ZNF774: variants seen among roughly 807,000 people sequenced by gnomAD.
ZNF774 encodes zinc finger protein 774.
A neutral mutation model predicts 11.1 loss-of-function variants in ZNF774; 14 were observed. That is an observed-to-expected ratio of 1.26 (90% CI 0.83 to 1.97). The LOEUF (loss-of-function observed/expected upper bound fraction) is 1.97. Ranked by LOEUF, ZNF774 falls within the 30% of genes most tolerant of loss-of-function variation. ZNF774 has a pLI of 0.00. For missense variants in ZNF774, 599 were observed against 587.0 expected, an observed-to-expected ratio of 1.02 and a Z score of -0.21; for synonymous variants, 195 against 212.6, an observed-to-expected ratio of 0.92 and a Z score of 0.72.
At position 90,360,318 on chromosome 15, in the gene ZNF774, A is replaced by G. The variant is rs1051252953; in HGVS notation, c.487A>G (p.Ser163Gly). The change falls in exon 4 of 4, where the codon AGT becomes GGT. Residue 163 changes from serine to glycine, a missense_variant. Ser to Gly is a moderately conservative substitution (Grantham distance 56). Transcript: ENST00000354377. ...AGAATGCGGGAAAAGCTTTAACCAG[A>G]GTTCCTATCTCATAAGACACCTAAG... is the stretch of plus-strand genomic sequence containing the variant. ...CAECGKSFNQ[S>G]SYLIRHLRTH... The G allele has an allele frequency of 6.2e-7, 1 of 1,614,208 alleles. No homozygotes were observed. The highest frequency in any genetic ancestry group is 8.5e-7 in the Non-Finnish European group (1 of 1,180,038).
Position 90,355,749 on chromosome 15 carries a change from G to A in ZNF774, c.104+985G>A, listed in dbSNP as rs1462752595. ...AAAAAAAAAAAAAAAAAAAAAACAA[G>A]GCTGGGCGCGGTGGCTCATGCCTGT... On this transcript the variant is annotated intron_variant, in intron 2 of 3. Coordinates refer to ENST00000354377, the MANE Select transcript of ZNF774 (RefSeq NM_001004309.3). Among the ~76,000 whole-genome samples, 915 of 116,770 alleles carry A rather than the reference G, an allele frequency of 7.8e-3. 18 individuals carry two copies. The highest frequency in any genetic ancestry group is 0.012 in the Non-Finnish European group (684 of 58,546). 76.6% of individuals were successfully genotyped at this position (116,770 alleles called of 152,430 possible).
At position 90,354,651 on chromosome 15, in the gene ZNF774, A is replaced by G; in HGVS notation, c.-10A>G. The G allele has an allele frequency of 6.3e-7, 1 of 1,596,826 alleles. No individual in the cohort carries two copies. The highest frequency in any genetic ancestry group is 1.7e-5 in the Admixed American group (1 of 58,418). ...AGGTCTCTTGCTTTAGGAACTGATG[A>G]CGCTTGATAATGTGGCTGGGGACTT... On this transcript the variant is annotated 5_prime_UTR_variant, in exon 2 of 4. Coordinates refer to ENST00000354377, the MANE Select transcript of ZNF774 (RefSeq NM_001004309.3).
chr15:90,360,736 A>C lies in ZNF774; in HGVS notation c.905A>C (p.Gln302Pro), dbSNP rs781104469. ...RCNDCGESFSQSSDLIKHQRT... is the reference protein window; with the variant it reads ...RCNDCGESFSPSSDLIKHQRT... ...AATGACTGTGGGGAGAGTTTTAGCC[A>C]GAGCTCGGATTTGATTAAGCACCAA... Residue 302 changes from glutamine (Q) to proline (P), a missense_variant, in exon 4 of 4, where the codon CAG becomes CCG. Gln to Pro is a moderately conservative substitution (Grantham distance 76). Transcript: ENST00000354377. 2 of 1,614,170 alleles carry C rather than the reference A, an allele frequency of 1.2e-6. No individual in the cohort carries two copies. Among genetic ancestry groups the C allele is most frequent in the East Asian group, 2.2e-5 (1 of 44,882 alleles).
At position 90,361,137 on chromosome 15, in the gene ZNF774, T is replaced by A; in HGVS notation, c.1306T>A (p.Cys436Ser). 1 of 1,611,034 alleles carries A rather than the reference T, an allele frequency of 6.2e-7. No individual in the cohort carries two copies. Among genetic ancestry groups the A allele is most frequent in the Non-Finnish European group, 8.5e-7 (1 of 1,177,038 alleles). The change falls in exon 4 of 4, where the codon TGT becomes AGT. Residue 436 changes from cysteine (C) to serine (S), a missense_variant. By Grantham distance (112) the Cys-to-Ser change is moderately radical (BLOSUM62 -1). Coordinates refer to ENST00000354377, the MANE Select transcript of ZNF774 (RefSeq NM_001004309.3). ...AGACAGGCCCTATCGATGTCCTGAGTGTGGCAAGACCTTCAATCAGCGTTC... is the reference window on the plus strand; with the variant it reads ...AGACAGGCCCTATCGATGTCCTGAGAGTGGCAAGACCTTCAATCAGCGTTC... ...LGDRPYRCPE[C>S]GKTFNQRSHF...
In ZNF774 at chr15:90,361,581, G is replaced by C. The variant is rs757616366; in HGVS notation, c.*298G>C. ...AATCCCAGCACTTTTGGGAGGCCAA[G>C]GTGGGTGGATCACTTGAGGTCAGGA... On this transcript the variant is annotated 3_prime_UTR_variant, in exon 4 of 4. Transcript: ENST00000354377. The C allele has an allele frequency of 3.6e-5, 38 of 1,050,182 alleles. No individual in the cohort carries two copies. Among genetic ancestry groups the C allele is most frequent in the Non-Finnish European group, 4.1e-5 (35 of 859,026 alleles). The allele number at this position is 1,050,182 out of a possible 1,614,324, so 65.1% of individuals were successfully genotyped here.
In ZNF774 at chr15:90,360,516, C is replaced by T. The variant is rs1375080976; in HGVS notation, c.685C>T (p.His229Tyr). 21 of 1,613,866 alleles carry T rather than the reference C, an allele frequency of 1.3e-5. No homozygotes were observed. Among genetic ancestry groups the T allele is most frequent in the Non-Finnish European group, 1.7e-5 (20 of 1,180,014 alleles). ...AACACTCATCAAACATCAGAGAACC[C>T]ACACAGGGGAGAGACCCTATGAGTG... Reference protein sequence around the residue: ...SSTLIKHQRTHTGERPYECPE... With the variant: ...SSTLIKHQRTYTGERPYECPE... Residue 229 changes from histidine (H) to tyrosine (Y), a missense_variant, in exon 4 of 4, where the codon CAC becomes TAC. Coordinates refer to ENST00000354377, the MANE Select transcript of ZNF774 (RefSeq NM_001004309.3).
chr15:90,359,580 A>C (rs1458473824), intron 3 of ZNF774, among the ~76,000 whole-genome samples: 1 of 149,874 alleles, frequency 6.7e-6, no homozygotes, highest in Admixed American at 6.6e-5. Context: ...TCAGCCTCCC[A>C]AGTAGCTGGG....
At chr15:90,353,425 A>AGTGTGTGTGTGTGTGTGT (rs56080142) in intron 1 of ZNF774, among the ~76,000 whole-genome samples, 10 of 139,434 alleles carry the variant, frequency 7.2e-5, no homozygotes, top group Admixed American at 2.9e-4. Context: ...TTCCCCCAAA[A>AGTGTGTGTGTGTGTGTGT]GTGTGTGTGT....
chr15:90,361,336 C>A lies in ZNF774; in HGVS notation c.*53C>A, dbSNP rs1964334659. The stretch of plus-strand genomic sequence containing the variant: ...CCTTGCACATTTTCATTGCTACTGT[C>A]TTCAAGCACCCCAAATAGAGAAAAC... On this transcript the variant is annotated 3_prime_UTR_variant, in exon 4 of 4. Transcript: ENST00000354377. The A allele has an allele frequency of 2.0e-6, 3 of 1,525,630 alleles. No homozygotes were observed. In the Admixed American group the frequency reaches 6.4e-5, roughly 32 times the overall value. 94.5% of individuals were successfully genotyped at this position (1,525,630 alleles called of 1,614,324 possible).
In ZNF774 at chr15:90,354,643, A is replaced by G. The variant is rs751040835; in HGVS notation, c.-18A>G. On this transcript the variant is annotated splice_region_variant and 5_prime_UTR_variant, in exon 2 of 4. Transcript: ENST00000354377. ...GCACATTGAGGTCTCTTGCTTTAGG[A>G]ACTGATGACGCTTGATAATGTGGCT... The G allele has an allele frequency of 6.9e-6, 11 of 1,584,266 alleles. No homozygotes were observed. In the Admixed American group the frequency reaches 1.9e-4, roughly 28 times the overall value.
chr15:90,360,410 C>G lies in ZNF774; in HGVS notation c.579C>G (p.Asp193Glu), dbSNP rs779514301. The G allele has an allele frequency of 6.2e-7, 1 of 1,613,534 alleles. No homozygotes were observed. The highest frequency in any genetic ancestry group is 2.2e-5 in the East Asian group (1 of 44,854). The part of the protein sequence containing the change: ...ECGKGFKQSS[D>E]LVTHRRTHTG... ...GGAAAGGCTTCAAACAGAGCTCAGA[C>G]CTTGTCACCCATCGCAGAACACACA... is the stretch of plus-strand genomic sequence containing the variant. The change falls in exon 4 of 4, where the codon GAC becomes GAG. Residue 193 changes from aspartate (D) to glutamate (E), a missense_variant. Coordinates refer to ENST00000354377, the MANE Select transcript of ZNF774 (RefSeq NM_001004309.3).
In ZNF774 at chr15:90,360,307, G is replaced by C. The variant is rs1293995499; in HGVS notation, c.476G>C (p.Ser159Thr). Residue 159 changes from serine to threonine, a missense_variant, in exon 4 of 4, where the codon AGC becomes ACC. Physicochemically the swap from Ser to Thr is moderately conservative, Grantham distance 58. Transcript: ENST00000354377. ...EKPMCAECGK[S>T]FNQSSYLIRH... ...CCTATGTGTGCAGAATGCGGGAAAA[G>C]CTTTAACCAGAGTTCCTATCTCATA... 3.7e-6 allele frequency: 6 copies of C among 1,614,078 alleles called. No homozygotes were observed. In the South Asian group the frequency reaches 6.6e-5, roughly 18 times the overall value.
chr15:90,360,255 C>T lies in ZNF774; in HGVS notation c.424C>T (p.Leu142Phe), dbSNP rs774700371. The change falls in exon 4 of 4, where the codon CTC becomes TTC. Residue 142 changes from leucine (L) to phenylalanine (F), a missense_variant. Leu to Phe is a conservative substitution (Grantham distance 22). Transcript: ENST00000354377. ...TTCACAGGAGAGGGATTTAAACAAGCTCCTGGATGGATATGTAGGAGAGAA... is the reference window on the plus strand; with the variant it reads ...TTCACAGGAGAGGGATTTAAACAAGTTCCTGGATGGATATGTAGGAGAGAA... ...SFSQERDLNK[L>F]LDGYVGEKPM... The T allele has an allele frequency of 5.9e-5, 95 of 1,614,082 alleles. No homozygotes were observed. The highest frequency in any genetic ancestry group is 7.9e-5 in the Non-Finnish European group (93 of 1,180,048).
chr15:90,360,472 A>T lies in ZNF774; in HGVS notation c.641A>T (p.Lys214Met). Reference sequence around the variant, plus strand: ...CCCTACCAATGCAAGGGGTGTGAGAAGAAATTCAGCGACAGCTCAACACTC... The same window carrying T: ...CCCTACCAATGCAAGGGGTGTGAGATGAAATTCAGCGACAGCTCAACACTC... Reference protein sequence around the residue: ...EKPYQCKGCEKKFSDSSTLIK... With the variant: ...EKPYQCKGCEMKFSDSSTLIK... Residue 214 changes from lysine to methionine, a missense_variant, in exon 4 of 4, where the codon AAG (lysine) becomes ATG (methionine). Physicochemically the swap from Lys to Met is moderately conservative, Grantham distance 95 (BLOSUM62 -1). Transcript: ENST00000354377. The T allele has an allele frequency of 6.2e-7, 1 of 1,613,938 alleles. No homozygotes were observed. Among genetic ancestry groups the T allele is most frequent in the South Asian group, 1.1e-5 (1 of 91,084 alleles).
chr15:90,362,664 C>T lies in ZNF774; in HGVS notation c.*1381C>T, dbSNP rs1168580953. On this transcript the variant is annotated 3_prime_UTR_variant, in exon 4 of 4. Transcript: ENST00000354377. ...AAGGTAAAGTATTTGAGTCCTGGCC[C>T]TGACGCTTAATTTGGCCAGACTTTC... 7.4e-7 allele frequency: 1 copy of T among 1,349,394 alleles called. No individual in the cohort carries two copies. The highest frequency in any genetic ancestry group is 1.0e-6 in the Non-Finnish European group (1 of 977,444). 83.6% of individuals were successfully genotyped at this position (1,349,394 alleles called of 1,614,324 possible).
Position 90,360,504 on chromosome 15 carries a change from C to T in ZNF774, c.673C>T (p.His225Tyr). The change falls in exon 4 of 4, where the codon CAT becomes TAT. Residue 225 changes from histidine (H) to tyrosine (Y), a missense_variant. Coordinates refer to ENST00000354377, the MANE Select transcript of ZNF774 (RefSeq NM_001004309.3). ...KFSDSSTLIK[H>Y]QRTHTGERPY... is the part of the protein sequence containing the mutation. ...CAGCGACAGCTCAACACTCATCAAA[C>T]ATCAGAGAACCCACACAGGGGAGAG... is the stretch of plus-strand genomic sequence containing the variant. The T allele has an allele frequency of 6.2e-7, 1 of 1,614,018 alleles. No individual in the cohort carries two copies. Among genetic ancestry groups the T allele is most frequent in the Non-Finnish European group, 8.5e-7 (1 of 1,180,028 alleles).
In ZNF774 at chr15:90,362,604, G is replaced by A; in HGVS notation, c.*1321G>A. 2 of 1,534,064 alleles carry A rather than the reference G, an allele frequency of 1.3e-6. No homozygotes were observed. The highest frequency in any genetic ancestry group is 1.2e-5 in the South Asian group (1 of 84,010). On this transcript the variant is annotated 3_prime_UTR_variant, in exon 4 of 4. Transcript: ENST00000354377. ...TTCAATTGAAATAAATTGAGGGACG[G>A]CAAGTGTGTTGGAAAGAACACCGAC... is the stretch of plus-strand genomic sequence containing the variant.
At chr15:90,358,787 G>T in intron 2 of ZNF774, 64 bp from the exon 3 acceptor site, 1 of 1,385,296 alleles carries the variant, frequency 7.2e-7, no homozygotes, top group Non-Finnish European at 1.0e-6. Context: ...AGTAGGGCTT[G>T]GATTTTGCTC....
At chr15:90,359,119 G>A (rs1964288781) in intron 3 of ZNF774, among the ~76,000 whole-genome samples, 162 bp downstream of exon 3, 1 of 140,568 alleles carries the variant, frequency 7.1e-6, no homozygotes. Context: ...AGGCCGGACT[G>A]CGGACTGCAG....
Sources: allele counts gnomAD v4.1 joint callset (sites outside exome capture counted in the v4.1 genomes callset), GRCh38; gene constraint gnomAD v4.1.1; transcripts MANE v1.5; gene names NCBI Gene and HGNC (gene_info 2026-07-23, HGNC 2026-07-21).